Variants in NIBAN2 observed in about 807,000 individuals in gnomAD.
The protein encoded by NIBAN2 is niban apoptosis regulator 2.
Under a neutral mutation model 81.8 loss-of-function variants are expected in NIBAN2, and 36 were observed. The observed-to-expected ratio is 0.44, with a 90% CI of 0.34 to 0.58. NIBAN2 has a LOEUF of 0.58. Ranked by LOEUF, NIBAN2 falls within the 20% of genes least tolerant of loss-of-function variation. The pLI is 0.02. For missense variants in NIBAN2, 897 were observed against 1,014.1 expected, an observed-to-expected ratio of 0.88 and a Z score of 1.57; for synonymous variants, 445 against 441.6, an observed-to-expected ratio of 1.01 and a Z score of -0.10.
chr9:127,578,696 GA>G (rs1424478378), intron 1 of NIBAN2, among the ~76,000 whole-genome samples: 1 of 151,540 alleles, frequency 6.6e-6, no homozygotes, highest in Non-Finnish European at 1.5e-5. Context: ...AAAAGAAAAA[GA>G]AAAAGAACCC....
Position 127,559,455 on chromosome 9 carries a change from G to A in NIBAN2, c.55+9365C>T, listed in dbSNP as rs1837733105. Reference sequence around the variant, plus strand: ...GAGGCCTCCAGGCACCCATCCTGGGGAGCCTGCCTCCTAGCCCGCACCCAC... The same window carrying A: ...GAGGCCTCCAGGCACCCATCCTGGGAAGCCTGCCTCCTAGCCCGCACCCAC... On this transcript the variant is annotated intron_variant, in intron 1 of 13. Coordinates refer to ENST00000373312, the MANE Select transcript of NIBAN2 (RefSeq NM_022833.4). This position sits in a 1 kb window ranked among gnomAD's most constrained non-coding sequence, Gnocchi z 4.0. Among the ~76,000 whole-genome samples the A allele has an allele frequency of 6.6e-6, 1 of 152,244 alleles. No homozygotes were observed. Among genetic ancestry groups the A allele is most frequent in the African/African-American group, 2.4e-5 (1 of 41,458 alleles).
intron 1 of NIBAN2, among the ~76,000 whole-genome samples, chr9:127,539,068 G>A (rs150919170): frequency 6.6e-6 from 1 of 152,104 alleles, no homozygotes; most frequent in East Asian, 1.9e-4. Flanking sequence ...AAAAATTAAG[G>A]ATCGAGCTGA....
intron 5 of NIBAN2, among the ~76,000 whole-genome samples, chr9:127,523,196 T>A (rs1377480163): frequency 0.55 from 5,558 of 10,070 alleles, 1,411 homozygotes; most frequent in African/African-American, 0.61. Flanking sequence ...AAAAAAAATA[T>A]ATATATATAT....
chr9:127,516,418 G>A (rs534249497), intron 8 of NIBAN2, among the ~76,000 whole-genome samples: 9 of 152,108 alleles, frequency 5.9e-5, no homozygotes, highest in African/African-American at 1.2e-4. Flanking sequence ...GGTGGCGCGC[G>A]TGTGCCTGTA....
intron 1 of NIBAN2, among the ~76,000 whole-genome samples, chr9:127,568,476 C>G (rs571120773): frequency 6.6e-6 from 1 of 151,858 alleles, no homozygotes; most frequent in African/African-American, 2.4e-5. Flanking sequence ...CGCTTCTGGG[C>G]GGGGACAGCC....
chr9:127,530,547 C>T (rs944874796), intron 2 of NIBAN2, among the ~76,000 whole-genome samples: 1 of 152,200 alleles, frequency 6.6e-6, no homozygotes, highest in Non-Finnish European at 1.5e-5. Context: ...CTCTGGCCCA[C>T]GCTGACCCTC....
At chr9:127,540,234 G>A (rs1273800415) in intron 1 of NIBAN2, among the ~76,000 whole-genome samples, 4 of 152,216 alleles carry the variant, frequency 2.6e-5, no homozygotes, top group African/African-American at 9.6e-5. Context: ...TAGTGAGGCT[G>A]GGCAAGAACT....
rs1376709148 is a variant in NIBAN2, at chr9:127,545,911, A to C, written c.56-14133T>G. Among the ~76,000 whole-genome samples, 3 of 151,586 alleles carry C rather than the reference A, an allele frequency of 2.0e-5. No individual in the cohort carries two copies. Among genetic ancestry groups the C allele is most frequent in the African/African-American group, 7.3e-5 (3 of 41,308 alleles). On this transcript the variant is annotated intron_variant, in intron 1 of 13. Transcript: ENST00000373312. The surrounding 1 kb of genome is among the most constrained non-coding windows in gnomAD (Gnocchi z 4.7). ...GCCTGCCTGGCAGCGGCCCCAGCCC[A>C]CAGCCCACAGTGGCAGCTTGTTCTG... is the stretch of plus-strand genomic sequence containing the variant.
At position 127,536,502 on chromosome 9, in the gene NIBAN2, C is replaced by A. The variant is rs1306127691; in HGVS notation, c.56-4724G>T. On this transcript the variant is annotated intron_variant, in intron 1 of 13. Transcript: ENST00000373312. This position sits in a 1 kb window ranked among gnomAD's most constrained non-coding sequence, Gnocchi z 4.0. Reference sequence around the variant, plus strand: ...CCGGCATTGTTGCTTCAGGATTTTACAACTCAAATTCCCACATGGCGTCCC... The same window carrying A: ...CCGGCATTGTTGCTTCAGGATTTTAAAACTCAAATTCCCACATGGCGTCCC... Among the ~76,000 whole-genome samples, 1 of 152,246 alleles carries A rather than the reference C, an allele frequency of 6.6e-6. No homozygotes were observed. The highest frequency in any genetic ancestry group is 1.9e-4 in the East Asian group (1 of 5,200).
At chr9:127,577,710 T>TTTTGTTTGTTTGTTTG (rs376947080) in intron 1 of NIBAN2, among the ~76,000 whole-genome samples, 31 of 151,974 alleles carry the variant, frequency 2.0e-4, no homozygotes, top group African/African-American at 6.5e-4. Context: ...TGCTATATCT[T>TTTTGTTTGTTTGTTTG]TTTGTTTGTT....
rs115317809 is a variant in NIBAN2 at position 127,515,087 on chromosome 9, G to T, written c.973+1770C>A. ...CAAACAATTTAAAAATTAGCCAGGC[G>T]TGGTGGCCTGCACCTGTAGTCCCAG... On this transcript the variant is annotated intron_variant, in intron 8 of 13. Transcript: ENST00000373312. 3.1e-3 allele frequency among the ~76,000 whole-genome samples: 472 copies of T among 152,286 alleles called. 4 individuals carry two copies. Among genetic ancestry groups the T allele is most frequent in the African/African-American group, 0.011 (456 of 41,564 alleles).
At chr9:127,544,176 G>A (rs981893767) in intron 1 of NIBAN2, among the ~76,000 whole-genome samples, 6 of 152,198 alleles carry the variant, frequency 3.9e-5, no homozygotes, top group Admixed American at 6.5e-5. Context: ...GGTTGGAATG[G>A]TATCTTGTTC....
In NIBAN2 at chr9:127,575,469, AC is replaced by A. The variant is rs61584590; in HGVS notation, c.16+3452del. ...TCTTGAACTCCTGACCTCGTGATCC[AC>A]CCACCCCAGCTTCCCAAAGTGCTGG... On this transcript the variant is annotated intron_variant, in intron 1 of 13. Transcript: ENST00000373314. Among the ~76,000 whole-genome samples, 442 of 145,434 alleles carry A rather than the reference AC, an allele frequency of 3.0e-3. 2 individuals carry two copies. The highest frequency in any genetic ancestry group is 0.011 in the African/African-American group (418 of 38,734).
At chr9:127,575,291 C>T (rs1173256360) in intron 1 of NIBAN2, among the ~76,000 whole-genome samples, 5 of 144,394 alleles carry the variant, frequency 3.5e-5, no homozygotes, top group Non-Finnish European at 6.0e-5. Flanking sequence ...TGCAGTGGTG[C>T]GATCTCGGCT....
In NIBAN2 at chr9:127,559,190, G is replaced by A. The variant is rs1837728088; in HGVS notation, c.55+9630C>T. ...CTGGCATGAGTTCCATGAGATCAGG[G>A]CTCATGTCACTGCTTTGTCCCCAGT... On this transcript the variant is annotated intron_variant, in intron 1 of 13. Transcript: ENST00000373312. This position sits in a 1 kb window ranked among gnomAD's most constrained non-coding sequence, Gnocchi z 4.0. Among the ~76,000 whole-genome samples the A allele has an allele frequency of 6.6e-6, 1 of 152,176 alleles. No individual in the cohort carries two copies.
intron 2 of NIBAN2, among the ~76,000 whole-genome samples, chr9:127,527,796 A>C (rs1837104454): frequency 6.6e-6 from 1 of 152,232 alleles, no homozygotes; most frequent in African/African-American, 2.4e-5. Flanking sequence ...GCCTCTCCCC[A>C]GCTCTAGGCT....
rs1837813142 is a variant in NIBAN2, at chr9:127,563,758, T to C, written c.55+5062A>G. Among the ~76,000 whole-genome samples the C allele has an allele frequency of 6.6e-6, 1 of 152,152 alleles. No homozygotes were observed. Among genetic ancestry groups the C allele is most frequent in the Non-Finnish European group, 1.5e-5 (1 of 68,030 alleles). Reference sequence around the variant, plus strand: ...CTCAAACTCTTGACCTCAGGTGATCTGCCTGCCTGTCTCCCAAAGCGCTGG... The same window carrying C: ...CTCAAACTCTTGACCTCAGGTGATCCGCCTGCCTGTCTCCCAAAGCGCTGG... On this transcript the variant is annotated intron_variant, in intron 1 of 13. Coordinates refer to ENST00000373312, the MANE Select transcript of NIBAN2 (RefSeq NM_022833.4). The surrounding 1 kb of genome is among the most constrained non-coding windows in gnomAD (Gnocchi z 4.1).
intron 8 of NIBAN2, among the ~76,000 whole-genome samples, chr9:127,512,593 C>G (rs778069183): frequency 6.6e-6 from 1 of 152,058 alleles, no homozygotes; most frequent in Non-Finnish European, 1.5e-5. Flanking sequence ...GCCCATTTTA[C>G]GTATGTTGAT....
At chr9:127,530,475 G>A (rs1417606887) in intron 2 of NIBAN2, among the ~76,000 whole-genome samples, 3 of 151,336 alleles carry the variant, frequency 2.0e-5, no homozygotes, top group Non-Finnish European at 3.0e-5. Context: ...CTTGAGTCCC[G>A]CCCCCGGCCC....
Sources: allele counts gnomAD v4.1 joint callset (sites outside exome capture counted in the v4.1 genomes callset), GRCh38; gene constraint gnomAD v4.1.1; non-coding constraint Gnocchi (gnomAD v3.1); transcripts MANE v1.5; gene names NCBI Gene and HGNC (gene_info 2026-07-23, HGNC 2026-07-21).